The following PTPRD variants were observed in gnomAD, a reference collection of about 807,000 sequenced individuals.
The protein encoded by PTPRD is receptor-type tyrosine-protein phosphatase delta.
Under a neutral mutation model 214.5 loss-of-function variants are expected in PTPRD, and 34 were observed. The observed-to-expected ratio is 0.16, with a 90% CI of 0.12 to 0.21. The LOEUF (loss-of-function observed/expected upper bound fraction) is 0.21, where lower values mean the gene tolerates loss of function less well. Ranked by LOEUF, PTPRD falls within the 10% of genes least tolerant of loss-of-function variation. PTPRD has a pLI of 1.00. For missense variants in PTPRD, 2,545 were observed against 2,398.7 expected, an observed-to-expected ratio of 1.06 and a Z score of -1.27; for synonymous variants, 1,128 against 845.7, an observed-to-expected ratio of 1.33 and a Z score of -5.79.
intron 3 of PTPRD, among the ~76,000 whole-genome samples, chr9:10,213,507 GT>G (rs1175513642): frequency 1.3e-5 from 2 of 152,118 alleles, no homozygotes; most frequent in African/African-American, 4.8e-5. Context: ...GAATGGGGAA[GT>G]TTGGATCACA....
At chr9:8,798,770 T>C (rs980433070) in intron 11 of PTPRD, among the ~76,000 whole-genome samples, 2 of 152,190 alleles carry the variant, frequency 1.3e-5, no homozygotes, top group Admixed American at 1.3e-4. Flanking sequence ...CTCCTACTAG[T>C]GCTTCGGTGA....
At chr9:9,068,585 C>G (rs971406894) in intron 10 of PTPRD, among the ~76,000 whole-genome samples, 3 of 152,056 alleles carry the variant, frequency 2.0e-5, no homozygotes, top group African/African-American at 7.2e-5. Context: ...TCTTTCTCAT[C>G]TTTATCTTGC....
intron 14 of PTPRD, among the ~76,000 whole-genome samples, chr9:8,601,559 T>C (rs1393547937): frequency 1.3e-5 from 2 of 152,232 alleles, no homozygotes; most frequent in South Asian, 2.1e-4. Flanking sequence ...CTCCATTTGT[T>C]TGGGAGAAAG....
chr9:10,282,698 C>T (rs2095183294), intron 3 of PTPRD, among the ~76,000 whole-genome samples: 1 of 151,382 alleles, frequency 6.6e-6, no homozygotes, highest in Non-Finnish European at 1.5e-5. Context: ...TAAAGAAGTA[C>T]AGCTTTCACA....
chr9:8,843,658 A>G (rs962035690), intron 11 of PTPRD, among the ~76,000 whole-genome samples: 1 of 152,184 alleles, frequency 6.6e-6, no homozygotes. Context: ...CTGGGATAAA[A>G]AAGATCTGCC....
intron 2 of PTPRD, among the ~76,000 whole-genome samples, chr9:10,597,247 G>C (rs139088650): frequency 0.02 from 3,006 of 151,684 alleles, 46 homozygotes; most frequent in South Asian, 0.063. Flanking sequence ...TACCAAGACT[G>C]CCCCTTTTAA....
chr9:10,352,431 T>A (rs1461159294), intron 2 of PTPRD, among the ~76,000 whole-genome samples: 2 of 152,008 alleles, frequency 1.3e-5, no homozygotes, highest in Non-Finnish European at 2.9e-5. Context: ...ACATTTTGTT[T>A]GACTAAGGCT....
At chr9:8,741,703 G>A (rs1014553025) in intron 11 of PTPRD, among the ~76,000 whole-genome samples, 4 of 146,884 alleles carry the variant, frequency 2.7e-5, no homozygotes, top group Non-Finnish European at 5.9e-5. Flanking sequence ...CGATTCTCCT[G>A]CCTCAGCCTC....
chr9:9,163,065 A>G (rs1363825667), intron 10 of PTPRD, among the ~76,000 whole-genome samples: 2 of 151,664 alleles, frequency 1.3e-5, no homozygotes, highest in East Asian at 3.9e-4. Flanking sequence ...ATCTACTCTC[A>G]CTTAAAATAT....
chr9:9,196,220 T>G (rs1002677585), intron 9 of PTPRD, among the ~76,000 whole-genome samples: 1 of 152,184 alleles, frequency 6.6e-6, no homozygotes, highest in Non-Finnish European at 1.5e-5. Flanking sequence ...CTATTACCAA[T>G]ATCTTAAGGT....
At chr9:10,427,609 T>C (rs1174773497) in intron 2 of PTPRD, among the ~76,000 whole-genome samples, 2 of 152,058 alleles carry the variant, frequency 1.3e-5, no homozygotes, top group Non-Finnish European at 2.9e-5. Context: ...GTGCCAATCA[T>C]AAAACACTCA....
chr9:9,777,960 A>G (rs2761717), intron 5 of PTPRD, among the ~76,000 whole-genome samples: 4 of 152,056 alleles, frequency 2.6e-5, no homozygotes, highest in Admixed American at 6.5e-5. Context: ...CTAGAAAAGC[A>G]TGGACAAAGA....
chr9:9,892,930 C>T (rs2073860266), intron 5 of PTPRD, among the ~76,000 whole-genome samples: 1 of 151,934 alleles, frequency 6.6e-6, no homozygotes, highest in Admixed American at 6.6e-5. Context: ...AGGAGAGATT[C>T]ATTATGGCGT....
chr9:10,442,770 T>C (rs972802754), intron 2 of PTPRD, among the ~76,000 whole-genome samples: 5 of 151,578 alleles, frequency 3.3e-5, no homozygotes. Context: ...TTGTCTATAA[T>C]GATAAGAAGT....
chr9:10,230,240 C>T (rs2099603970), intron 3 of PTPRD, among the ~76,000 whole-genome samples: 1 of 152,056 alleles, frequency 6.6e-6, no homozygotes, highest in South Asian at 2.1e-4. Flanking sequence ...ACATCTTCAT[C>T]TTTCACTTCC....
intron 11 of PTPRD, among the ~76,000 whole-genome samples, chr9:8,831,489 T>C (rs952203711): frequency 2.6e-5 from 4 of 152,192 alleles, no homozygotes; most frequent in Non-Finnish European, 5.9e-5. Context: ...CTACACATTA[T>C]ACAGTCTACA....
chr9:8,924,708 T>C (rs1404354847), intron 11 of PTPRD, among the ~76,000 whole-genome samples: 2 of 152,136 alleles, frequency 1.3e-5, no homozygotes, highest in Non-Finnish European at 2.9e-5. Context: ...TTAATGACTC[T>C]GCAGCGCTGT....
At chr9:8,696,977 TA>T (rs74529027) in intron 12 of PTPRD, among the ~76,000 whole-genome samples, 47,349 of 152,012 alleles carry the variant, frequency 0.31, 8,425 homozygotes, top group African/African-American at 0.48. Context: ...CTCTTTCTTT[TA>T]AAAAATCAAA....
chr9:9,927,262 G>A lies in PTPRD; in HGVS notation c.-368+11245C>T, dbSNP rs529487882. 7.9e-5 allele frequency among the ~76,000 whole-genome samples: 12 copies of A among 152,056 alleles called. No homozygotes were observed. In the South Asian group the frequency reaches 1.9e-3, roughly 24 times the overall value. On this transcript the variant is annotated intron_variant, in intron 5 of 45. Transcript: ENST00000381196. The stretch of plus-strand genomic sequence containing the variant: ...AGGAGCATGAAATAAAGAACTCTTC[G>A]GGCGAACACTTAAAACCCACCTAAA...
Sources: allele counts gnomAD v4.1 joint callset (sites outside exome capture counted in the v4.1 genomes callset), GRCh38; gene constraint gnomAD v4.1.1; transcripts MANE v1.5; gene names NCBI Gene and HGNC (gene_info 2026-07-23, HGNC 2026-07-21).